Variants in MORC1 observed in about 807,000 individuals in gnomAD.
The protein encoded by MORC1 is MORC family CW-type zinc finger 1, also known as MORC family CW-type zinc finger protein 1.
Under a neutral mutation model 134.9 loss-of-function variants are expected in MORC1, and 59 were observed. The ratio of observed to expected loss-of-function variants is 0.44; its 90% confidence interval spans 0.35 to 0.54. MORC1 has a LOEUF of 0.54. Ranked by LOEUF, MORC1 falls within the 20% of genes least tolerant of loss-of-function variation. The probability of loss-of-function intolerance (pLI) is 0.00; values close to 1 mark genes in which losing one functional copy is unlikely to be tolerated. For missense variants in MORC1, 947 were observed against 1,134.5 expected, an observed-to-expected ratio of 0.83 and a Z score of 2.37; for synonymous variants, 395 against 391.7, an observed-to-expected ratio of 1.01 and a Z score of -0.10.
intron 13 of MORC1, 51 bp downstream of exon 13, chr3:109,057,292 C>T (rs369485695): frequency 7.7e-6 from 12 of 1,553,232 alleles, no homozygotes; most frequent in Non-Finnish European, 9.6e-6. Flanking sequence ...CAGAATCTTA[C>T]TGTAACATCC....
rs560510920 is a variant in MORC1 at position 109,057,444 on chromosome 3, C to A, written c.1074G>T (p.Val358=). The part of the protein sequence containing the change: ...TARTLSLFYG[V]NVENRSQAGM... Reference sequence around the variant, plus strand: ...CAGCTTGGCTTCGGTTTTCTACGTTCACTCCATAGAACAGGGAGAGCGTTC... The same window carrying A: ...CAGCTTGGCTTCGGTTTTCTACGTTAACTCCATAGAACAGGGAGAGCGTTC... Residue 358 remains valine, a synonymous_variant, in exon 13 of 28, where the codon GTG becomes GTT. Coordinates refer to ENST00000232603, the MANE Select transcript of MORC1 (RefSeq NM_014429.4). 2 of 1,611,630 alleles carry A rather than the reference C, an allele frequency of 1.2e-6. No homozygotes were observed. The highest frequency in any genetic ancestry group is 2.7e-5 in the African/African-American group (2 of 75,036).
intron 21 of MORC1, among the ~76,000 whole-genome samples, chr3:108,990,898 T>C (rs868664159): frequency 3.5e-4 from 51 of 145,730 alleles, no homozygotes; most frequent in African/African-American, 1.1e-3. Flanking sequence ...GTTTCTCTCT[T>C]TCTCTCTCTC....
At chr3:109,071,588 T>C (rs1034909674) in intron 8 of MORC1, among the ~76,000 whole-genome samples, 1 of 151,892 alleles carries the variant, frequency 6.6e-6, no homozygotes, top group African/African-American at 2.4e-5. Flanking sequence ...ATAGGTGGAG[T>C]CTGGAGGAAT....
chr3:108,971,524 C>T (rs1947379456), intron 24 of MORC1, 122 bp from the exon 25 acceptor site: 2 of 770,802 alleles, frequency 2.6e-6, no homozygotes, highest in Middle Eastern at 2.4e-4. Flanking sequence ...CATTAGTTCC[C>T]CCCAAACATT....
In MORC1 at chr3:108,979,566, G is replaced by A. The variant is rs1947654344; in HGVS notation, c.2426C>T (p.Ser809Phe). Residue 809 changes from serine to phenylalanine, a missense_variant, in exon 24 of 28, where the codon TCT (serine) becomes TTT (phenylalanine). By Grantham distance (155) the Ser-to-Phe change is radical (BLOSUM62 -2). Around this residue, in one of 3 missense-constraint regions of MORC1, gnomAD observed 722 missense variants for 817.0 expected, o/e 0.88. Coordinates refer to ENST00000232603, the MANE Select transcript of MORC1 (RefSeq NM_014429.4). The part of the protein sequence containing the change: ...SCKVASSPAS[S>F]QSTPVKETVR... ...TGTTTCCTTGACAGGTGTGCTTTGA[G>A]AAGACGCTGGCGAAGAAGCAACTTT... The A allele has an allele frequency of 6.2e-7, 1 of 1,614,182 alleles. No homozygotes were observed. Among genetic ancestry groups the A allele is most frequent in the Non-Finnish European group, 8.5e-7 (1 of 1,180,026 alleles).
At chr3:109,096,140 T>C (rs1369952333) in intron 6 of MORC1, among the ~76,000 whole-genome samples, 1 of 152,136 alleles carries the variant, frequency 6.6e-6, no homozygotes, top group African/African-American at 2.4e-5. Context: ...GAGATATTTT[T>C]GAAAAAGAAA....
intron 4 of MORC1, among the ~76,000 whole-genome samples, chr3:109,101,944 T>A (rs1001479448): frequency 1.1e-4 from 17 of 152,196 alleles, no homozygotes; most frequent in Admixed American, 8.5e-4. Flanking sequence ...ACACACTACA[T>A]GAACTCACGT....
intron 16 of MORC1, 39 bp downstream of exon 16, chr3:109,032,680 TA>T: frequency 7.3e-7 from 1 of 1,372,920 alleles, no homozygotes; most frequent in Non-Finnish European, 1.0e-6. Context: ...CTTTAGAAAT[TA>T]AAAATGAATA....
At chr3:109,030,672 C>T (rs1949221271) in intron 16 of MORC1, among the ~76,000 whole-genome samples, 1 of 152,184 alleles carries the variant, frequency 6.6e-6, no homozygotes, top group Non-Finnish European at 1.5e-5. Context: ...TAAGGTCCAT[C>T]AGTTTTCTGT....
Position 108,969,725 on chromosome 3 carries a change from G to A in MORC1, c.2551-3C>T. 1 of 1,613,406 alleles carries A rather than the reference G, an allele frequency of 6.2e-7. No homozygotes were observed. Among genetic ancestry groups the A allele is most frequent in the Middle Eastern group, 1.7e-4 (1 of 6,058 alleles). Reference sequence around the variant, plus strand: ...ATCTGCTCTGGGCACTGCTCCAGCTGTTTTCATAAATGATAATAGAACAGG... The same window carrying A: ...ATCTGCTCTGGGCACTGCTCCAGCTATTTTCATAAATGATAATAGAACAGG... On this transcript the variant is annotated splice_region_variant and splice_polypyrimidine_tract_variant and intron_variant, in intron 25 of 27. Transcript: ENST00000232603.
chr3:108,982,793 T>C (rs1947777909), intron 23 of MORC1, among the ~76,000 whole-genome samples: 1 of 151,432 alleles, frequency 6.6e-6, no homozygotes, highest in African/African-American at 2.4e-5. Flanking sequence ...TTATGGGACA[T>C]TTTCACCAGC....
Position 109,058,219 on chromosome 3 carries a change from T to C in MORC1, c.1032-733A>G, listed in dbSNP as rs116338247. ...ACACCTGGTTTCAAATACAAGCCTGTCTTTGTAATAACCATGTGACCATGG... is the reference window on the plus strand; with the variant it reads ...ACACCTGGTTTCAAATACAAGCCTGCCTTTGTAATAACCATGTGACCATGG... On this transcript the variant is annotated intron_variant, in intron 12 of 27. Coordinates refer to ENST00000232603, the MANE Select transcript of MORC1 (RefSeq NM_014429.4). Among the ~76,000 whole-genome samples the C allele has an allele frequency of 5.1e-3, 779 of 152,270 alleles. 18 individuals are homozygous for C. Among genetic ancestry groups the C allele is most frequent in the African/African-American group, 0.018 (748 of 41,568 alleles).
intron 21 of MORC1, among the ~76,000 whole-genome samples, chr3:108,999,914 A>C (rs1156566707): frequency 6.6e-6 from 1 of 152,182 alleles, no homozygotes; most frequent in Non-Finnish European, 1.5e-5. Flanking sequence ...AACATAATGA[A>C]CACCATGGCT....
At chr3:109,047,820 A>C (rs1416321575) in intron 14 of MORC1, among the ~76,000 whole-genome samples, 2 of 152,218 alleles carry the variant, frequency 1.3e-5, no homozygotes, top group Admixed American at 1.3e-4. Context: ...AGTAGATGAA[A>C]GACAGTTTTT....
intron 17 of MORC1, 65 bp downstream of exon 17, chr3:109,027,686 T>C: frequency 6.3e-7 from 1 of 1,591,748 alleles, no homozygotes; most frequent in Non-Finnish European, 8.6e-7. Context: ...TTAGTCAATT[T>C]GCACATATGA....
At chr3:108,959,660 A>C (rs1439107961) in intron 27 of MORC1, among the ~76,000 whole-genome samples, 1 of 152,146 alleles carries the variant, frequency 6.6e-6, no homozygotes, top group East Asian at 1.9e-4. Flanking sequence ...TTCTTGATCC[A>C]TGGAACAGTT....
intron 14 of MORC1, among the ~76,000 whole-genome samples, chr3:109,053,106 TAAA>T (rs200991752): frequency 7.9e-5 from 8 of 101,416 alleles, no homozygotes; most frequent in Non-Finnish European, 4.3e-5. Flanking sequence ...TGTTATAAAG[TAAA>T]AAAAAAAAAA....
At chr3:109,051,837 C>T (rs370176835) in intron 14 of MORC1, among the ~76,000 whole-genome samples, 1 of 151,820 alleles carries the variant, frequency 6.6e-6, no homozygotes, top group East Asian at 2.0e-4. Flanking sequence ...CAAATGATAC[C>T]CTGTAGTTGG....
intron 21 of MORC1, among the ~76,000 whole-genome samples, chr3:108,991,170 C>T (rs1248944892): frequency 1.3e-5 from 2 of 152,078 alleles, no homozygotes; most frequent in Admixed American, 6.6e-5. Context: ...GAGCAGAAGC[C>T]ATGGAAGTGT....
Sources: gnomAD v4.1 joint callset for allele counts (sites outside exome capture counted in the v4.1 genomes callset) on GRCh38, gnomAD v4.1.1 for gene constraint, gnomAD v4.1.1 regional missense constraint, MANE v1.5 for transcripts, NCBI Gene and HGNC (gene_info 2026-07-23, HGNC 2026-07-21) for gene names.